CNTLN: variants seen among roughly 807,000 people sequenced by gnomAD.
CNTLN encodes centlein.
CNTLN carries 212 observed loss-of-function variants against 180.0 expected under a neutral mutation model. That is an observed-to-expected ratio of 1.18 (90% confidence interval 1.05 to 1.32). The LOEUF (loss-of-function observed/expected upper bound fraction) is 1.32. Among genes scored for constraint, CNTLN ranks in the 40% most tolerant of loss-of-function variants. The pLI is 0.00. For synonymous variants in CNTLN, 722 were observed against 563.1 expected, an observed-to-expected ratio of 1.28 and a Z score of -3.99; for missense variants, 2,095 against 1,610.9, an observed-to-expected ratio of 1.30 and a Z score of -5.14.
Position 17,143,274 on chromosome 9 carries a change from T to A in CNTLN, c.361-14T>A. 6.3e-7 allele frequency: 1 copy of A among 1,596,058 alleles called. No homozygotes were observed. Among genetic ancestry groups the A allele is most frequent in the Non-Finnish European group, 8.6e-7 (1 of 1,167,638 alleles). Reference sequence around the variant, plus strand: ...ACAAAGCAATGCATCTAAATTCTCTTTTATTTCTTTAAGGCTGATAAAGAA... The same window carrying A: ...ACAAAGCAATGCATCTAAATTCTCTATTATTTCTTTAAGGCTGATAAAGAA... On this transcript the variant is annotated splice_polypyrimidine_tract_variant and intron_variant, in intron 1 of 25. Coordinates refer to ENST00000380647, the MANE Select transcript of CNTLN (RefSeq NM_017738.4).
downstream of CNTLN, among the ~76,000 whole-genome samples, chr9:17,506,080 A>T (rs992530932): frequency 1.1e-3 from 2 of 1,830 alleles, no homozygotes; most frequent in African/African-American, 1.2e-3. Context: ...ATCTTGGGTT[A>T]AAAAAAAAAA....
chr9:17,406,637 A>G (rs1827416218), intron 15 of CNTLN, among the ~76,000 whole-genome samples: 1 of 151,744 alleles, frequency 6.6e-6, no homozygotes, highest in South Asian at 2.1e-4. Context: ...AATTTATAAC[A>G]TACTATATCA....
chr9:17,192,635 G>T (rs1821863359), intron 2 of CNTLN, among the ~76,000 whole-genome samples: 1 of 152,168 alleles, frequency 6.6e-6, no homozygotes, highest in Admixed American at 6.5e-5. Flanking sequence ...ATGAATGGTG[G>T]AGTCAGAATT....
chr9:17,493,583 GT>G (rs1289192611), intron 25 of CNTLN, among the ~76,000 whole-genome samples: 8 of 152,018 alleles, frequency 5.3e-5, no homozygotes, highest in Non-Finnish European at 8.8e-5. Context: ...ACCTCATTCT[GT>G]TTTTTTAACT....
intron 3 of CNTLN, among the ~76,000 whole-genome samples, chr9:17,227,224 A>T (rs1419664351): frequency 6.6e-6 from 1 of 151,822 alleles, no homozygotes; most frequent in South Asian, 2.1e-4. Flanking sequence ...TTACAATTCA[A>T]TGTGAGATTT....
At chr9:17,140,661 C>G (rs957453624) in intron 1 of CNTLN, among the ~76,000 whole-genome samples, 2 of 152,106 alleles carry the variant, frequency 1.3e-5, no homozygotes, top group Admixed American at 1.3e-4. Context: ...AGGCCAGTCT[C>G]AAACTCCTGG....
chr9:17,274,217 C>A (rs1292719139), intron 6 of CNTLN, among the ~76,000 whole-genome samples: 1 of 151,948 alleles, frequency 6.6e-6, no homozygotes, highest in East Asian at 1.9e-4. Context: ...CAAATTTTGA[C>A]TTTAATTTTA....
chr9:17,197,621 T>C (rs528256908), intron 2 of CNTLN, among the ~76,000 whole-genome samples: 1 of 152,314 alleles, frequency 6.6e-6, no homozygotes, highest in South Asian at 2.1e-4. Context: ...GAGTTTCTTA[T>C]ACTCTGGTTA....
chr9:17,194,903 A>G (rs890686728), intron 2 of CNTLN, among the ~76,000 whole-genome samples: 1 of 152,170 alleles, frequency 6.6e-6, no homozygotes, highest in Admixed American at 6.5e-5. Context: ...TGTGGCAGCG[A>G]CGAGAAAATG....
chr9:17,388,141 AT>A lies in CNTLN; in HGVS notation c.1988-20del. On this transcript the variant is annotated intron_variant, in intron 13 of 25. Coordinates refer to ENST00000380647, the MANE Select transcript of CNTLN (RefSeq NM_017738.4). ...TCAGCAGTACACGTGGTATCATAATATATTATTTATTCTCTACCAGAACAGC... is the reference window on the plus strand; with the variant it reads ...TCAGCAGTACACGTGGTATCATAATAATTATTTATTCTCTACCAGAACAGC... The A allele has an allele frequency of 6.7e-7, 1 of 1,497,546 alleles. No individual in the cohort carries two copies. The highest frequency in any genetic ancestry group is 9.3e-7 in the Non-Finnish European group (1 of 1,078,098). 92.8% of individuals were successfully genotyped at this position (1,497,546 alleles called of 1,614,324 possible). A position where few individuals can be genotyped will look rare whatever the true frequency, so the allele number is the denominator to read the frequency against.
chr9:17,394,935 G>A lies in CNTLN; in HGVS notation c.2481G>A (p.Lys827=), dbSNP rs369160472. The change falls in exon 15 of 26, where the codon AAG becomes AAA. Residue 827 remains lysine, a synonymous_variant. Coordinates refer to ENST00000380647, the MANE Select transcript of CNTLN (RefSeq NM_017738.4). ...GRYDCKTTMT[K]VKFKAAKKNC... Reference sequence around the variant, plus strand: ...ATGATTGTAAGACAACTATGACCAAGGTTAAATTTAAAGCTGCGAAGAAAA... The same window carrying A: ...ATGATTGTAAGACAACTATGACCAAAGTTAAATTTAAAGCTGCGAAGAAAA... 5 of 1,613,940 alleles carry A rather than the reference G, an allele frequency of 3.1e-6. No individual in the cohort carries two copies. The African/African-American group carries it at 5.3e-5, about 17-fold the overall frequency.
intron 25 of CNTLN, among the ~76,000 whole-genome samples, chr9:17,498,849 G>T (rs1352633129): frequency 6.6e-6 from 1 of 152,160 alleles, no homozygotes; most frequent in East Asian, 1.9e-4. Context: ...GATCTTTGCT[G>T]TGGTCAGTCA....
chr9:17,422,404 T>A (rs898817595), intron 18 of CNTLN, among the ~76,000 whole-genome samples: 1 of 152,194 alleles, frequency 6.6e-6, no homozygotes, highest in East Asian at 1.9e-4. Context: ...TATCACCCTC[T>A]GATACGTGAA....
the CNTLN span, among the ~76,000 whole-genome samples, chr9:17,517,005 A>T: frequency 6.6e-6 from 1 of 151,760 alleles, no homozygotes. Flanking sequence ...TAAATGTTAC[A>T]TTCCTAAAGT....
Position 17,444,754 on chromosome 9 carries a change from T to C in CNTLN, c.3115-12770T>C, listed in dbSNP as rs1049172404. Among the ~76,000 whole-genome samples, 4 of 152,280 alleles carry C rather than the reference T, an allele frequency of 2.6e-5. No individual in the cohort carries two copies. In the East Asian group the frequency reaches 5.8e-4, roughly 22 times the overall value. ...TGACTTTATTTATTGAGTGACCTACTTTGTTAGGTCAAGCCTTTTTACTTG... is the reference window on the plus strand; with the variant it reads ...TGACTTTATTTATTGAGTGACCTACCTTGTTAGGTCAAGCCTTTTTACTTG... On this transcript the variant is annotated intron_variant, in intron 18 of 25. Transcript: ENST00000380647.
intron 16 of CNTLN, among the ~76,000 whole-genome samples, chr9:17,411,399 G>A (rs111435658): frequency 0.012 from 1,790 of 152,212 alleles, 40 homozygotes; most frequent in African/African-American, 0.041. Context: ...AGGCCTAATG[G>A]GAACCTAGAC....
chr9:17,152,135 A>C (rs892286171), intron 2 of CNTLN, among the ~76,000 whole-genome samples: 1 of 152,222 alleles, frequency 6.6e-6, no homozygotes, highest in East Asian at 1.9e-4. Flanking sequence ...TGAGTTTTTG[A>C]AGGGTTTTTT....
At chr9:17,420,559 C>A (rs1187396343) in intron 18 of CNTLN, among the ~76,000 whole-genome samples, 1 of 151,178 alleles carries the variant, frequency 6.6e-6, no homozygotes, top group African/African-American at 2.4e-5. Context: ...TCATTTATTT[C>A]TTCTCTGATC....
chr9:17,227,540 G>C (rs184805275), intron 3 of CNTLN, among the ~76,000 whole-genome samples: 3 of 151,704 alleles, frequency 2.0e-5, no homozygotes. Context: ...TTTCTTGGGA[G>C]GTACCTTTTT....
Sources: gnomAD v4.1 joint callset for allele counts (sites outside exome capture counted in the v4.1 genomes callset) on GRCh38, gnomAD v4.1.1 for gene constraint, MANE v1.5 for transcripts, NCBI Gene and HGNC (gene_info 2026-07-23, HGNC 2026-07-21) for gene names.